The following ANLN variants were observed in gnomAD, a reference collection of about 807,000 sequenced individuals.
The protein encoded by ANLN is anillin, actin binding protein.
In ANLN, 59 loss-of-function variants were observed where a neutral mutation model predicts 135.1. The ratio of observed to expected loss-of-function variants is 0.44; its 90% CI spans 0.35 to 0.54. The LOEUF is 0.54. ANLN is among the 20% of genes least tolerant of loss of function. The pLI is 0.00. For synonymous variants in ANLN, 406 were observed against 456.4 expected, an observed-to-expected ratio of 0.89 and a Z score of 1.41; for missense variants, 1,182 against 1,340.0, an observed-to-expected ratio of 0.88 and a Z score of 1.84.
chr7:36,415,679 C>A lies in ANLN; in HGVS notation c.1396-79C>A, dbSNP rs567188477. ...ATACAGAATAATATTTAATAATAAT[C>A]TTGTTTCATTTAATAACATAGAAAG... On this transcript the variant is annotated intron_variant, in intron 7 of 23. Transcript: ENST00000265748. 3.6e-5 allele frequency: 50 copies of A among 1,383,340 alleles called. No individual in the cohort carries two copies. The African/African-American group carries it at 7.1e-4, about 20-fold the overall frequency. The allele number at this position is 1,383,340 out of a possible 1,614,324, so 85.7% of individuals were successfully genotyped here. A position where few individuals can be genotyped will look rare whatever the true frequency, so the allele number is the denominator to read the frequency against.
At chr7:36,444,528 C>T (rs184211650) in intron 22 of ANLN, among the ~76,000 whole-genome samples, 1 of 151,890 alleles carries the variant, frequency 6.6e-6, no homozygotes, top group Admixed American at 6.6e-5. Context: ...TAATGGAAAC[C>T]CACCCACAGG....
intron 3 of ANLN, among the ~76,000 whole-genome samples, chr7:36,401,245 G>A (rs1786933080): frequency 6.6e-6 from 1 of 152,158 alleles, no homozygotes; most frequent in Non-Finnish European, 1.5e-5. Context: ...GGTTCATAGA[G>A]GCTAATAAAC....
chr7:36,438,704 G>A (rs371372090), intron 20 of ANLN, among the ~76,000 whole-genome samples: 1 of 152,128 alleles, frequency 6.6e-6, no homozygotes, highest in Admixed American at 6.5e-5. Context: ...AAAGTTTTGC[G>A]TTACGTTTTG....
intron 3 of ANLN, among the ~76,000 whole-genome samples, chr7:36,401,505 A>G (rs745332325): frequency 5.3e-4 from 81 of 152,030 alleles, no homozygotes; most frequent in Non-Finnish European, 3.1e-4. Flanking sequence ...CACCCAGCTA[A>G]TTTTTGTATT....
chr7:36,402,173 A>G (rs35538613), intron 3 of ANLN, among the ~76,000 whole-genome samples: 1 of 104,488 alleles, frequency 9.6e-6, no homozygotes, highest in African/African-American at 4.3e-5. Flanking sequence ...GTGCAGTGGC[A>G]CAATCTTGGC....
chr7:36,408,677 T>C (rs1787289856), intron 5 of ANLN, among the ~76,000 whole-genome samples: 1 of 152,166 alleles, frequency 6.6e-6, no homozygotes, highest in Non-Finnish European at 1.5e-5. Context: ...TCTTTTTTCT[T>C]CTGCCAAACT....
At chr7:36,400,928 G>A (rs891105590) in intron 3 of ANLN, among the ~76,000 whole-genome samples, 9 of 152,130 alleles carry the variant, frequency 5.9e-5, no homozygotes, top group African/African-American at 1.9e-4. Context: ...TCTGAAGAAT[G>A]GGGCTTGGAT....
intron 4 of ANLN, among the ~76,000 whole-genome samples, chr7:36,407,239 A>G (rs1184885203): frequency 1.3e-5 from 2 of 152,140 alleles, no homozygotes; most frequent in African/African-American, 4.8e-5. Flanking sequence ...TTATTTTTCT[A>G]TGTGTAAAAT....
chr7:36,406,706 A>G, intron 4 of ANLN, 140 bp downstream of exon 4: 4 of 860,176 alleles, frequency 4.7e-6, no homozygotes, highest in Non-Finnish European at 6.5e-6. Context: ...TGTATTTGTA[A>G]GATATCGGTT....
intron 20 of ANLN, among the ~76,000 whole-genome samples, chr7:36,430,244 T>C (rs1391753901): frequency 6.6e-6 from 1 of 152,324 alleles, no homozygotes; most frequent in East Asian, 1.9e-4. Context: ...CTTGGTTTAT[T>C]TTACTGGTGC....
chr7:36,419,763 T>C (rs969870621), intron 10 of ANLN, among the ~76,000 whole-genome samples: 7 of 152,240 alleles, frequency 4.6e-5, no homozygotes, highest in African/African-American at 1.7e-4. Flanking sequence ...TTAAGCTCTC[T>C]ATGCCACCAT....
At chr7:36,432,090 T>TA (rs2116729126) in intron 20 of ANLN, among the ~76,000 whole-genome samples, 1 of 152,224 alleles carries the variant, frequency 6.6e-6, no homozygotes, top group South Asian at 2.1e-4. Context: ...GGTGTGGTGG[T>TA]ACACACCTGT....
At chr7:36,427,625 A>G (rs1452626033) in intron 20 of ANLN, among the ~76,000 whole-genome samples, 1 of 152,182 alleles carries the variant, frequency 6.6e-6, no homozygotes, top group Non-Finnish European at 1.5e-5. Flanking sequence ...AAGTGCTGGG[A>G]TTATAGGTGT....
chr7:36,422,801 A>C lies in ANLN; in HGVS notation c.2468A>C (p.Gln823Pro). Reference sequence around the variant, plus strand: ...GCAGATTTTGTCTGCAGTACGGTTCAGAAACCAGGTATGGTGGTGATTTTT... The same window carrying C: ...GCAGATTTTGTCTGCAGTACGGTTCCGAAACCAGGTATGGTGGTGATTTTT... ...LKADFVCSTV[Q>P]KPDAANYYYL... Residue 823 changes from glutamine (Q) to proline (P), a missense_variant, in exon 14 of 24, where the codon CAG (glutamine) becomes CCG (proline). Gln to Pro is a moderately conservative substitution (Grantham distance 76). Coordinates refer to ENST00000265748, the MANE Select transcript of ANLN (RefSeq NM_018685.5). The C allele has an allele frequency of 6.3e-7, 1 of 1,599,794 alleles. No individual in the cohort carries two copies.
At chr7:36,451,979 A>G (rs1436746620) in intron 23 of ANLN, among the ~76,000 whole-genome samples, 4 of 152,238 alleles carry the variant, frequency 2.6e-5, no homozygotes, top group African/African-American at 4.8e-5. Flanking sequence ...TGTTCTACTA[A>G]TATAGTAGGA....
chr7:36,446,974 C>T (rs917845019), intron 22 of ANLN, among the ~76,000 whole-genome samples: 2 of 152,160 alleles, frequency 1.3e-5, no homozygotes, highest in Non-Finnish European at 1.5e-5. Context: ...AGTAGTTCCC[C>T]CTTATCCTTA....
intron 20 of ANLN, chr7:36,428,394 G>A: frequency 8.4e-7 from 1 of 1,192,404 alleles, no homozygotes; most frequent in Non-Finnish European, 1.1e-6. Context: ...AAATTAATGA[G>A]CTTAAAAATC....
chr7:36,423,447 A>G (rs1436135136), intron 14 of ANLN, among the ~76,000 whole-genome samples: 1 of 152,168 alleles, frequency 6.6e-6, no homozygotes, highest in Non-Finnish European at 1.5e-5. Flanking sequence ...TAACTTTTAT[A>G]GAAATACAGT....
At chr7:36,438,618 C>T (rs1378110899) in intron 20 of ANLN, among the ~76,000 whole-genome samples, 2 of 152,182 alleles carry the variant, frequency 1.3e-5, no homozygotes, top group Non-Finnish European at 2.9e-5. Flanking sequence ...GTGATCCTCA[C>T]TCCTTGGCCT....
Sources: allele counts gnomAD v4.1 joint callset (sites outside exome capture counted in the v4.1 genomes callset), GRCh38; gene constraint gnomAD v4.1.1; transcripts MANE v1.5; gene names NCBI Gene and HGNC (gene_info 2026-07-23, HGNC 2026-07-21).